Variants in MAPK8IP3 observed in about 807,000 individuals in gnomAD.
MAPK8IP3 encodes mitogen-activated protein kinase 8 interacting protein 3.
A neutral mutation model predicts 157.8 loss-of-function variants in MAPK8IP3; 49 were observed. The observed-to-expected ratio is 0.31, with a 90% CI of 0.25 to 0.39. The LOEUF (loss-of-function observed/expected upper bound fraction) is 0.39, where lower values mean the gene tolerates loss of function less well. MAPK8IP3 is among the 10% of genes least tolerant of loss of function. The pLI is 1.00. For synonymous variants in MAPK8IP3, 897 were observed against 777.7 expected (o/e 1.15, Z -2.55); for missense variants, 1,478 against 1,889.4 (o/e 0.78, Z 4.04).
At chr16:1,747,933 A>C (rs900009654) in intron 6 of MAPK8IP3, among the ~76,000 whole-genome samples, 1 of 152,230 alleles carries the variant, frequency 6.6e-6, no homozygotes, top group Non-Finnish European at 1.5e-5. Context: ...GAAGAGGGGA[A>C]TGAGGGCCGA....
At position 1,768,562 on chromosome 16, in the gene MAPK8IP3, G is replaced by A. The variant is rs2141961186; in HGVS notation, c.3828G>A (p.Glu1276=). The A allele has an allele frequency of 1.9e-6, 3 of 1,578,174 alleles. No individual in the cohort carries two copies. Among genetic ancestry groups the A allele is most frequent in the Admixed American group, 3.7e-5 (2 of 53,802 alleles). The stretch of plus-strand genomic sequence containing the variant: ...CAGCTGCCCCTGCCTCGGAGGTCGA[G>A]GGCCAGAAGCTGCGGAACGTGCTGG... ...PGPAAPASEV[E]GQKLRNVLVL... Residue 1276 remains glutamate, a synonymous_variant, in exon 31 of 32, where the codon GAG becomes GAA. Coordinates refer to ENST00000610761, the MANE Select transcript of MAPK8IP3 (RefSeq NM_001318852.2).
intron 1 of MAPK8IP3, among the ~76,000 whole-genome samples, chr16:1,718,151 C>T (rs1353878515): frequency 6.6e-6 from 1 of 151,798 alleles, no homozygotes; most frequent in Non-Finnish European, 1.5e-5. Context: ...CCAAGCCCGG[C>T]TGAAAATTCT....
intron 2 of MAPK8IP3, among the ~76,000 whole-genome samples, chr16:1,725,937 T>A (rs1457839610): frequency 6.6e-6 from 1 of 152,174 alleles, no homozygotes; most frequent in Non-Finnish European, 1.5e-5. Context: ...GACCTCGTGA[T>A]CCTCCCAAAG....
chr16:1,733,633 C>T (rs940592882), intron 4 of MAPK8IP3, among the ~76,000 whole-genome samples: 6 of 152,240 alleles, frequency 3.9e-5, no homozygotes, highest in African/African-American at 1.2e-4. Context: ...GCGCCGCCCC[C>T]GTCCCTTGGC....
At position 1,743,635 on chromosome 16, in the gene MAPK8IP3, G is replaced by A; in HGVS notation, c.747+159G>A. Reference sequence around the variant, plus strand: ...CAGGATGGAGAAACCCAGCCAGGGTGTCAGGGGCTCAGGCTGCCCAGCAGG... The same window carrying A: ...CAGGATGGAGAAACCCAGCCAGGGTATCAGGGGCTCAGGCTGCCCAGCAGG... On this transcript the variant is annotated intron_variant, in intron 5 of 31. Transcript: ENST00000610761. The surrounding 1 kb of genome is among the most constrained non-coding windows in gnomAD (Gnocchi z 5.6). 6.9e-7 allele frequency: 1 copy of A among 1,446,312 alleles called. No individual in the cohort carries two copies. Among genetic ancestry groups the A allele is most frequent in the East Asian group, 2.7e-5 (1 of 36,632 alleles). 89.6% of individuals were successfully genotyped at this position (1,446,312 alleles called of 1,614,324 possible).
At chr16:1,709,390 G>T (rs1471616554) in intron 1 of MAPK8IP3, among the ~76,000 whole-genome samples, 1 of 152,224 alleles carries the variant, frequency 6.6e-6, no homozygotes, top group African/African-American at 2.4e-5. Context: ...TCGCTGGGCT[G>T]CAGTGGCCGC....
chr16:1,747,959 C>T (rs1272540983), intron 6 of MAPK8IP3, among the ~76,000 whole-genome samples: 1 of 152,252 alleles, frequency 6.6e-6, no homozygotes, highest in Non-Finnish European at 1.5e-5. Context: ...GGTCCAGCCA[C>T]TGGCTTGCTT....
intron 2 of MAPK8IP3, among the ~76,000 whole-genome samples, chr16:1,725,449 G>A (rs62040023): frequency 0.052 from 7,775 of 150,648 alleles, 290 homozygotes; most frequent in Admixed American, 0.11. Context: ...CCAACATGGC[G>A]AAACCCCGTC....
intron 4 of MAPK8IP3, among the ~76,000 whole-genome samples, chr16:1,736,749 T>C (rs1443966347): frequency 2.8e-5 from 2 of 70,760 alleles, no homozygotes; most frequent in Non-Finnish European, 5.1e-5. Flanking sequence ...TGACCATCCA[T>C]GTGAGCATCC....
rs1232105495 is a variant in MAPK8IP3 at position 1,765,974 on chromosome 16, G to A, written c.2461G>A (p.Asp821Asn). Residue 821 changes from aspartate (D) to asparagine (N), a missense_variant, in exon 21 of 32, where the codon GAC becomes AAC. Asp to Asn is a conservative substitution (Grantham distance 23). Transcript: ENST00000610761. ...CCTCTCCCCAGCGGCCAGCGACAGC[G>A]ACTACCCTCCCGGGGAGATGTTCCT... is the stretch of plus-strand genomic sequence containing the variant. ...ISSIPAASDS[D>N]YPPGEMFLDS... The A allele has an allele frequency of 1.2e-6, 2 of 1,611,898 alleles. No individual in the cohort carries two copies. The highest frequency in any genetic ancestry group is 1.3e-5 in the African/African-American group (1 of 74,916).
intron 4 of MAPK8IP3, among the ~76,000 whole-genome samples, chr16:1,736,389 C>CATCCGT (rs2039826986): frequency 1.9e-5 from 1 of 51,732 alleles, no homozygotes; most frequent in Non-Finnish European, 3.3e-5. Flanking sequence ...TCCGTGTGAG[C>CATCCGT]GTGACCGTCC....
chr16:1,754,839 T>C (rs901359419), intron 8 of MAPK8IP3, among the ~76,000 whole-genome samples: 11 of 151,772 alleles, frequency 7.2e-5, no homozygotes, highest in South Asian at 2.1e-4. Flanking sequence ...AGAAGCACCA[T>C]TGAAAGACAT....
rs371339099 is a variant in MAPK8IP3 at position 1,748,260 on chromosome 16, C to T, written c.1011C>T (p.Asp337=). Residue 337 remains aspartate, a synonymous_variant, in exon 7 of 32, where the codon GAC becomes GAT. Transcript: ENST00000610761. ...CTCCCCTAGGCATGGGCAGCAGTGACGAGTGGTCTGATGTTCAAGACATTA... is the reference window on the plus strand; with the variant it reads ...CTCCCCTAGGCATGGGCAGCAGTGATGAGTGGTCTGATGTTCAAGACATTA... ...RNVSIGMGSS[D]EWSDVQDIID... The T allele has an allele frequency of 7.5e-5, 121 of 1,613,810 alleles. No individual in the cohort carries two copies. In the South Asian group the frequency reaches 1.0e-3, roughly 14 times the overall value.
At position 1,706,336 on chromosome 16, in the gene MAPK8IP3, C is replaced by T. The variant is rs1000902567; in HGVS notation, c.-4C>T. The T allele has an allele frequency of 1.3e-6, 2 of 1,556,188 alleles. No homozygotes were observed. The highest frequency in any genetic ancestry group is 1.2e-5 in the South Asian group (1 of 85,958). On this transcript the variant is annotated 5_prime_UTR_variant, in exon 1 of 32. Coordinates refer to ENST00000610761, the MANE Select transcript of MAPK8IP3 (RefSeq NM_001318852.2). The surrounding 1 kb of genome is among the most constrained non-coding windows in gnomAD (Gnocchi z 5.1). ...GAGCCGCGCTGGCGGCGGCGGTGGC[C>T]GCGATGATGGAGATCCAGATGGACG...
intron 1 of MAPK8IP3, among the ~76,000 whole-genome samples, chr16:1,716,743 G>A (rs994706256): frequency 3.3e-5 from 5 of 151,750 alleles, no homozygotes; most frequent in Non-Finnish European, 7.4e-5. Flanking sequence ...GCGAAACCCC[G>A]TATCTACCAA....
rs369827781 is a variant in MAPK8IP3, at chr16:1,765,061, C to T, written c.2329C>T (p.Leu777=). 9.8e-5 allele frequency: 158 copies of T among 1,612,138 alleles called. No individual in the cohort carries two copies. The highest frequency in any genetic ancestry group is 1.1e-4 in the Non-Finnish European group (131 of 1,179,612). The change falls in exon 20 of 32, where the codon CTG becomes TTG. Residue 777 remains leucine, a synonymous_variant. Transcript: ENST00000610761. ...CGCCACCTCCAGCCGGGTGTGGATCCTGACCAGCACCCTGACCACCAGCAA... is the reference window on the plus strand; with the variant it reads ...CGCCACCTCCAGCCGGGTGTGGATCTTGACCAGCACCCTGACCACCAGCAA... The part of the protein sequence containing the change: ...MDATSSRVWI[L]TSTLTTSKVV...
In MAPK8IP3 at chr16:1,729,180, A is replaced by T. The variant is rs2141731604; in HGVS notation, c.482A>T (p.Tyr161Phe). The T allele has an allele frequency of 6.2e-7, 1 of 1,614,042 alleles. No homozygotes were observed. The highest frequency in any genetic ancestry group is 8.5e-7 in the Non-Finnish European group (1 of 1,180,016). ...EERESEMKKEYNALHQRHTEM... is the reference protein window; with the variant it reads ...EERESEMKKEFNALHQRHTEM... ...CGGGAGTCGGAGATGAAGAAGGAGT[A>T]CAATGCCCTGCACCAGCGGCACACA... The change falls in exon 3 of 32, where the codon TAC becomes TTC. Residue 161 changes from tyrosine (Y) to phenylalanine (F), a missense_variant. By Grantham distance (22) the Tyr-to-Phe change is conservative. Transcript: ENST00000610761.
rs2039118079 is a variant in MAPK8IP3, at chr16:1,729,192, A to T, written c.494A>T (p.His165Leu). The T allele has an allele frequency of 6.2e-7, 1 of 1,613,964 alleles. No homozygotes were observed. Among genetic ancestry groups the T allele is most frequent in the Non-Finnish European group, 8.5e-7 (1 of 1,180,020 alleles). ...SEMKKEYNAL[H>L]QRHTEMIQTY... The stretch of plus-strand genomic sequence containing the variant: ...ATGAAGAAGGAGTACAATGCCCTGC[A>T]CCAGCGGCACACAGAGGTGGGCGCC... The change falls in exon 3 of 32, where the codon CAC (histidine) becomes CTC (leucine). Residue 165 changes from histidine (H) to leucine (L), a missense_variant. Physicochemically the swap from His to Leu is moderately conservative, Grantham distance 99 (BLOSUM62 -3). Coordinates refer to ENST00000610761, the MANE Select transcript of MAPK8IP3 (RefSeq NM_001318852.2).
chr16:1,722,736 G>C (rs1371086095), intron 1 of MAPK8IP3, among the ~76,000 whole-genome samples: 1 of 151,912 alleles, frequency 6.6e-6, no homozygotes, highest in South Asian at 2.1e-4. Context: ...ATGGAGTCTC[G>C]CTCTGTCGCC....
Sources: gnomAD v4.1 joint callset for allele counts (sites outside exome capture counted in the v4.1 genomes callset) on GRCh38, gnomAD v4.1.1 for gene constraint, Gnocchi (gnomAD v3.1) non-coding constraint, MANE v1.5 for transcripts, NCBI Gene and HGNC (gene_info 2026-07-23, HGNC 2026-07-21) for gene names.